The following MARCHF6 variants were observed in gnomAD, a reference collection of about 807,000 sequenced individuals.
MARCHF6 encodes membrane associated ring-CH-type finger 6, also known as E3 ubiquitin-protein ligase MARCHF6.
Under a neutral mutation model 133.7 loss-of-function variants are expected in MARCHF6, and 31 were observed. The observed-to-expected ratio is 0.23, with a 90% CI of 0.17 to 0.31. The LOEUF (loss-of-function observed/expected upper bound fraction) is 0.31, where lower values mean the gene tolerates loss of function less well. MARCHF6 is among the 10% of genes least tolerant of loss of function. The probability of loss-of-function intolerance (pLI) is 1.00; values close to 1 mark genes in which losing one functional copy is unlikely to be tolerated. For synonymous variants in MARCHF6, 395 were observed against 402.5 expected (o/e 0.98, Z 0.22); for missense variants, 723 against 1,121.6 (o/e 0.64, Z 5.08).
At chr5:10,419,612 C>T (rs1369440459) in intron 22 of MARCHF6, among the ~76,000 whole-genome samples, 146 of 139,444 alleles carry the variant, frequency 1.0e-3, no homozygotes, top group African/African-American at 3.5e-3. Context: ...AAAGAGCTAC[C>T]TTTTTTTTTT....
intron 1 of MARCHF6, among the ~76,000 whole-genome samples, chr5:10,358,887 A>G (rs1013046423): frequency 1.3e-5 from 2 of 152,252 alleles, no homozygotes; most frequent in African/African-American, 4.8e-5. Context: ...CATGTAATGG[A>G]GACTGTACAT....
intron 16 of MARCHF6, among the ~76,000 whole-genome samples, chr5:10,406,199 A>G (rs1475158393): frequency 6.6e-6 from 1 of 152,178 alleles, no homozygotes; most frequent in Non-Finnish European, 1.5e-5. Context: ...TTTCCATGAA[A>G]CTGGTCCCTG....
intron 5 of MARCHF6, among the ~76,000 whole-genome samples, chr5:10,387,578 C>T (rs1022359891): frequency 6.6e-6 from 1 of 152,296 alleles, no homozygotes; most frequent in Non-Finnish European, 1.5e-5. Flanking sequence ...GCTGGGATTA[C>T]AGGCGTGAGC....
chr5:10,355,953 T>C (rs774614358), intron 1 of MARCHF6, among the ~76,000 whole-genome samples: 41 of 152,254 alleles, frequency 2.7e-4, no homozygotes, highest in Non-Finnish European at 5.0e-4. Context: ...TATTTTGCTT[T>C]ATTTTGTTTT....
At chr5:10,387,161 T>C in intron 5 of MARCHF6, 95 bp downstream of exon 5, 2 of 914,856 alleles carry the variant, frequency 2.2e-6, no homozygotes, top group Non-Finnish European at 3.3e-6. Context: ...GTAAATTCTT[T>C]TGTTTTGAGA....
chr5:10,425,807 CT>C (rs1561150913), intron 23 of MARCHF6, among the ~76,000 whole-genome samples: 1 of 152,176 alleles, frequency 6.6e-6, no homozygotes, highest in Non-Finnish European at 1.5e-5. Context: ...CTCTGCATTA[CT>C]CTTGTAGAAT....
At chr5:10,400,872 T>C in intron 11 of MARCHF6, 30 bp downstream of exon 11, 1 of 1,492,302 alleles carries the variant, frequency 6.7e-7, no homozygotes, top group Non-Finnish European at 9.3e-7. Context: ...AAAGTTACTT[T>C]CATTCATTAC....
chr5:10,405,607 A>T lies in MARCHF6; in HGVS notation c.1382A>T (p.Asp461Val). ...TTTCTAAGGAATTTGAATGATCCAG[A>T]TTTCAATCCAGTACAGGAAATGATC... ...LWFLRNLNDP[D>V]FNPVQEMIHL... is the part of the protein sequence containing the mutation. Residue 461 changes from aspartate to valine, a missense_variant, in exon 16 of 26, where the codon GAT (aspartate) becomes GTT (valine). Physicochemically the swap from Asp to Val is radical, Grantham distance 152. This residue lies in a region of MARCHF6 where 492 missense variants were observed against 699.5 expected (regional missense o/e 0.70). Transcript: ENST00000274140. 1 of 1,610,472 alleles carries T rather than the reference A, an allele frequency of 6.2e-7. No individual in the cohort carries two copies. The highest frequency in any genetic ancestry group is 8.5e-7 in the Non-Finnish European group (1 of 1,178,834).
chr5:10,365,098 C>T (rs1422408626), intron 1 of MARCHF6, among the ~76,000 whole-genome samples: 1 of 151,638 alleles, frequency 6.6e-6, no homozygotes, highest in Non-Finnish European at 1.5e-5. Flanking sequence ...CCACTGCACC[C>T]AGCCTCCCTG....
chr5:10,374,141 A>G (rs113263717), intron 1 of MARCHF6, among the ~76,000 whole-genome samples: 2 of 152,194 alleles, frequency 1.3e-5, no homozygotes, highest in Non-Finnish European at 2.9e-5. Context: ...CAGCAGGCGC[A>G]CAAATTACCC....
chr5:10,419,273 G>A (rs963140784), intron 22 of MARCHF6, among the ~76,000 whole-genome samples: 9 of 152,118 alleles, frequency 5.9e-5, no homozygotes, highest in Non-Finnish European at 1.3e-4. Context: ...GCATGAGATA[G>A]TCACTACGTA....
intron 22 of MARCHF6, 37 bp from the exon 23 acceptor site, chr5:10,423,698 A>G: frequency 1.4e-6 from 2 of 1,423,296 alleles, no homozygotes; most frequent in Non-Finnish European, 9.9e-7. Context: ...TTGTTAAAAA[A>G]CAACAGAAAT....
chr5:10,406,685 GT>G (rs1738913485), intron 16 of MARCHF6, among the ~76,000 whole-genome samples: 1 of 152,258 alleles, frequency 6.6e-6, no homozygotes, highest in East Asian at 1.9e-4. Flanking sequence ...GTAAATCTAA[GT>G]TTTTCTAAAA....
intron 15 of MARCHF6, among the ~76,000 whole-genome samples, chr5:10,403,825 A>G (rs1738701839): frequency 6.6e-6 from 1 of 152,144 alleles, no homozygotes; most frequent in Non-Finnish European, 1.5e-5. Flanking sequence ...CTTCGTATAT[A>G]CTTTAGCCAT....
At position 10,400,818 on chromosome 5, in the gene MARCHF6, T is replaced by C. The variant is rs1480302576; in HGVS notation, c.948T>C (p.Leu316=). ...FCPYHIGHFS[L]VGLGFEEHVQ... is the part of the protein sequence containing the mutation. ...CTTACCATATTGGTCATTTCTCCCTTGTTGGTTTGGGATTTGAAGAACACG... is the reference window on the plus strand; with the variant it reads ...CTTACCATATTGGTCATTTCTCCCTCGTTGGTTTGGGATTTGAAGAACACG... Residue 316 remains leucine, a synonymous_variant, in exon 11 of 26, where the codon CTT becomes CTC. Transcript: ENST00000274140. 10 of 1,612,522 alleles carry C rather than the reference T, an allele frequency of 6.2e-6. No individual in the cohort carries two copies. The highest frequency in any genetic ancestry group is 8.5e-6 in the Non-Finnish European group (10 of 1,178,798).
chr5:10,410,516 A>G (rs755587714), intron 18 of MARCHF6, among the ~76,000 whole-genome samples: 21 of 150,538 alleles, frequency 1.4e-4, no homozygotes, highest in Non-Finnish European at 3.0e-5. Context: ...CTGCTGGTCC[A>G]GCTTTCATGG....
At position 10,400,699 on chromosome 5, in the gene MARCHF6, C is replaced by T. The variant is rs183584948; in HGVS notation, c.914-85C>T. ...GAATCTTTCATTTCTCCAAGAAGCC[C>T]TAGTTCCTTTTAGTGGGGAATTGTA... On this transcript the variant is annotated intron_variant, in intron 10 of 25. Coordinates refer to ENST00000274140, the MANE Select transcript of MARCHF6 (RefSeq NM_005885.4). 3.0e-4 allele frequency: 289 copies of T among 953,986 alleles called. No homozygotes were observed. In the African/African-American group the frequency reaches 4.4e-3, roughly 14 times the overall value. 59.1% of individuals were successfully genotyped at this position (953,986 alleles called of 1,614,324 possible).
chr5:10,429,789 A>C, intron 24 of MARCHF6, 104 bp from the exon 25 acceptor site: 1 of 916,180 alleles, frequency 1.1e-6, no homozygotes, highest in African/African-American at 1.6e-5. Context: ...GGGGCTTAGA[A>C]AGCTTGTCTG....
Position 10,405,603 on chromosome 5 carries a change from C to G in MARCHF6, c.1378C>G (p.Pro460Ala). The G allele has an allele frequency of 6.2e-7, 1 of 1,610,034 alleles. No individual in the cohort carries two copies. The highest frequency in any genetic ancestry group is 8.5e-7 in the Non-Finnish European group (1 of 1,178,560). Residue 460 changes from proline (P) to alanine (A), a missense_variant, in exon 16 of 26, where the codon CCA (proline) becomes GCA (alanine). By Grantham distance (27) the Pro-to-Ala change is conservative. Around this residue, in one of 4 missense-constraint regions of MARCHF6, gnomAD observed 492 missense variants for 699.5 expected, o/e 0.70. Coordinates refer to ENST00000274140, the MANE Select transcript of MARCHF6 (RefSeq NM_005885.4). ...VLWFLRNLND[P>A]DFNPVQEMIH... ...GTGGTTTCTAAGGAATTTGAATGATCCAGATTTCAATCCAGTACAGGAAAT... is the reference window on the plus strand; with the variant it reads ...GTGGTTTCTAAGGAATTTGAATGATGCAGATTTCAATCCAGTACAGGAAAT...
Sources: gnomAD v4.1 joint callset for allele counts (sites outside exome capture counted in the v4.1 genomes callset) on GRCh38, gnomAD v4.1.1 for gene constraint, gnomAD v4.1.1 regional missense constraint, MANE v1.5 for transcripts, NCBI Gene and HGNC (gene_info 2026-07-23, HGNC 2026-07-21) for gene names.